CPNE5: variants seen among roughly 807,000 people sequenced by gnomAD.
CPNE5 encodes the protein copine-5.
In CPNE5, 42 loss-of-function variants were observed where a neutral mutation model predicts 81.1. The observed-to-expected ratio is 0.52, with a 90% CI of 0.40 to 0.67. The LOEUF (loss-of-function observed/expected upper bound fraction) is 0.67. Among genes scored for constraint, CPNE5 ranks in the 30% least tolerant of loss-of-function variants. The pLI is 0.00. For missense variants in CPNE5, 612 were observed against 815.5 expected, an observed-to-expected ratio of 0.75 and a Z score of 3.04; for synonymous variants, 313 against 321.5, an observed-to-expected ratio of 0.97 and a Z score of 0.28.
At chr6:36,800,608 C>G (rs1386850831) in intron 3 of CPNE5, among the ~76,000 whole-genome samples, 1 of 152,214 alleles carries the variant, frequency 6.6e-6, no homozygotes, top group East Asian at 1.9e-4. Flanking sequence ...AGATCCCCAC[C>G]TTTTGGTATT....
In CPNE5 at chr6:36,745,411, G is replaced by A; in HGVS notation, c.1305C>T (p.Ala435=). 6.2e-7 allele frequency: 1 copy of A among 1,607,644 alleles called. No individual in the cohort carries two copies. Among genetic ancestry groups the A allele is most frequent in the Non-Finnish European group, 8.5e-7 (1 of 1,177,794 alleles). ...TVQLYGPTNF[A]PVVTHVARNA... is the part of the protein sequence containing the mutation. ...ACCTGGCCACGTGGGTGACCACGGG[G>A]GCAAAGTTGGTGGGGCCGTACAGCT... Residue 435 remains alanine, a synonymous_variant, in exon 17 of 21, where the codon GCC becomes GCT. Transcript: ENST00000244751.
chr6:36,819,688 G>C (rs533889146), intron 3 of CPNE5, among the ~76,000 whole-genome samples: 111 of 152,296 alleles, frequency 7.3e-4, no homozygotes, highest in Non-Finnish European at 1.3e-3. Flanking sequence ...TTTGTGCACT[G>C]TCCCCCTCCC....
At chr6:36,797,201 CG>C (rs1206535468) in intron 6 of CPNE5, among the ~76,000 whole-genome samples, 12 of 152,212 alleles carry the variant, frequency 7.9e-5, no homozygotes, top group Admixed American at 7.9e-4. Flanking sequence ...CCACCGTGCC[CG>C]GTTCACACTG....
intron 17 of CPNE5, 92 bp downstream of exon 17, chr6:36,745,296 G>A: frequency 1.3e-6 from 2 of 1,495,276 alleles, no homozygotes; most frequent in Non-Finnish European, 1.8e-6. Flanking sequence ...CAAGTGCGTG[G>A]GAAGAGAAAC....
chr6:36,810,366 T>C lies in CPNE5; in HGVS notation c.184-10296A>G, dbSNP rs371955001. Among the ~76,000 whole-genome samples, 7 of 152,350 alleles carry C rather than the reference T, an allele frequency of 4.6e-5. No homozygotes were observed. In the East Asian group the frequency reaches 7.7e-4, roughly 17 times the overall value. On this transcript the variant is annotated intron_variant, in intron 3 of 20. Coordinates refer to ENST00000244751, the MANE Select transcript of CPNE5 (RefSeq NM_020939.2). ...ATCCCTCAATACTTTTCATATATTA[T>C]TGATGGCTCCTTAATTGGGGATTCT... is the stretch of plus-strand genomic sequence containing the variant.
Position 36,744,376 on chromosome 6 carries a change from G to T in CPNE5, c.1432-51C>A, listed in dbSNP as rs912379646. The T allele has an allele frequency of 7.6e-6, 11 of 1,444,764 alleles. No individual in the cohort carries two copies. In the African/African-American group the frequency reaches 1.4e-4, roughly 18 times the overall value. 89.5% of individuals were successfully genotyped at this position (1,444,764 alleles called of 1,614,324 possible). On this transcript the variant is annotated intron_variant, in intron 18 of 20. Coordinates refer to ENST00000244751, the MANE Select transcript of CPNE5 (RefSeq NM_020939.2). ...AAAGGTTGGACCCAATTGGGACCCA[G>T]TTAAAAGGAAGGAGAAATCAGGGGT... is the stretch of plus-strand genomic sequence containing the variant.
intron 3 of CPNE5, among the ~76,000 whole-genome samples, chr6:36,821,645 T>C (rs1277571861): frequency 6.6e-6 from 1 of 151,656 alleles, no homozygotes; most frequent in East Asian, 1.9e-4. Flanking sequence ...GAAGCCAGGG[T>C]GGGTTTTGGA....
At chr6:36,828,950 C>T (rs1270521759) in intron 1 of CPNE5, among the ~76,000 whole-genome samples, 4 of 152,210 alleles carry the variant, frequency 2.6e-5, no homozygotes, top group Non-Finnish European at 5.9e-5. Flanking sequence ...CAGTCCCCCC[C>T]TCCCAGGAGT....
chr6:36,836,914 A>C (rs1773559854), intron 1 of CPNE5, among the ~76,000 whole-genome samples: 2 of 149,504 alleles, frequency 1.3e-5, no homozygotes, highest in South Asian at 2.2e-4. Context: ...ACTTCCCCCC[A>C]CCTCTGGCTT....
At chr6:36,790,520 C>A (rs1228093563) in intron 8 of CPNE5, among the ~76,000 whole-genome samples, 2 of 152,134 alleles carry the variant, frequency 1.3e-5, no homozygotes, top group African/African-American at 4.8e-5. Context: ...AAGAGATTTG[C>A]AAAAATGTAA....
chr6:36,763,702 A>G (rs1043133957), intron 11 of CPNE5, among the ~76,000 whole-genome samples: 48 of 152,216 alleles, frequency 3.2e-4, no homozygotes, highest in Non-Finnish European at 6.5e-4. Flanking sequence ...GACATTTTCA[A>G]TGAAGCATTT....
At chr6:36,792,289 C>G in intron 7 of CPNE5, 193 bp from the exon 8 acceptor site, 1 of 1,471,766 alleles carries the variant, frequency 6.8e-7, no homozygotes, top group Non-Finnish European at 9.2e-7. Context: ...TTCCTGGGAC[C>G]GGGTCCCCGA....
In CPNE5 at chr6:36,745,089, C is replaced by CCCCATCAG; in HGVS notation, c.1382_1389dup (p.Val464LeufsTer77). The stretch of plus-strand genomic sequence containing the variant: ...TTGGTCTGCGCCATGTCCGAGATGA[C>CCCCATCAG]CCCATCAGTAATGATGAGCAGCACC... On this transcript the variant is annotated frameshift_variant, in exon 18 of 21. Transcript: ENST00000244751. LOFTEE classifies it high-confidence loss of function. The CCCCATCAG allele has an allele frequency of 6.2e-7, 1 of 1,614,066 alleles. No homozygotes were observed. The highest frequency in any genetic ancestry group is 8.5e-7 in the Non-Finnish European group (1 of 1,179,908).
chr6:36,746,397 AGTGGGAACTC>A lies in CPNE5; in HGVS notation c.1189_1198del (p.Glu397Ter). On this transcript the variant is annotated frameshift_variant and splice_region_variant, in exon 16 of 21. Transcript: ENST00000244751. LOFTEE classifies it high-confidence loss of function. The surrounding 1 kb of genome is among the most constrained non-coding windows in gnomAD (Gnocchi z 4.5). ...TCTCCCACCAGCGGGACCACCTACCAGTGGGAACTCGTGGGACACTCTGCCATCCGGGGGC... is the reference window on the plus strand; with the variant it reads ...TCTCCCACCAGCGGGACCACCTACCAGTGGGACACTCTGCCATCCGGGGGC... The A allele has an allele frequency of 6.3e-7, 1 of 1,582,774 alleles. No individual in the cohort carries two copies. The highest frequency in any genetic ancestry group is 8.6e-7 in the Non-Finnish European group (1 of 1,165,556).
intron 2 of CPNE5, among the ~76,000 whole-genome samples, chr6:36,822,614 TGA>T (rs1047222016): frequency 1.3e-5 from 2 of 152,104 alleles, no homozygotes; most frequent in African/African-American, 4.8e-5. Context: ...AGCAGTTTCA[TGA>T]GGCCTCTGAT....
At chr6:36,765,308 C>A in intron 11 of CPNE5, 27 bp downstream of exon 11, 1 of 1,613,334 alleles carries the variant, frequency 6.2e-7, no homozygotes, top group Non-Finnish European at 8.5e-7. Flanking sequence ...CACTCACCTT[C>A]TCGCCCCTGC....
rs376272916 is a variant in CPNE5 at position 36,784,459 on chromosome 6, G to A, written c.529-5502C>T. 1.6e-3 allele frequency among the ~76,000 whole-genome samples: 237 copies of A among 152,332 alleles called. 1 individual carries two copies. Among genetic ancestry groups the A allele is most frequent in the South Asian group, 8.5e-3 (41 of 4,830 alleles). The stretch of plus-strand genomic sequence containing the variant: ...ACTCTGCCTTTCGTCAACAGTCATA[G>A]GAACAAGTGGGAGCTTGTGAATGGT... On this transcript the variant is annotated intron_variant, in intron 8 of 20. Transcript: ENST00000244751.
rs571886289 is a variant in CPNE5, at chr6:36,745,162, A to T, written c.1329-12T>A. 5 of 1,606,912 alleles carry T rather than the reference A, an allele frequency of 3.1e-6. No homozygotes were observed. The highest frequency in any genetic ancestry group is 4.3e-6 in the Non-Finnish European group (5 of 1,174,130). Reference sequence around the variant, plus strand: ...CGGCCGCTGCATTCCTGGGTGGGGCAGGTGTGGGCTCAGGTCTGTCTGCGG... The same window carrying T: ...CGGCCGCTGCATTCCTGGGTGGGGCTGGTGTGGGCTCAGGTCTGTCTGCGG... On this transcript the variant is annotated splice_polypyrimidine_tract_variant and intron_variant, in intron 17 of 20. Transcript: ENST00000244751.
At chr6:36,826,710 A>G (rs1443995301) in intron 1 of CPNE5, among the ~76,000 whole-genome samples, 1 of 152,228 alleles carries the variant, frequency 6.6e-6, no homozygotes. Flanking sequence ...ACGACCAAAA[A>G]GAATGGCCAG....
Sources: allele counts gnomAD v4.1 joint callset (sites outside exome capture counted in the v4.1 genomes callset), GRCh38; gene constraint gnomAD v4.1.1; non-coding constraint Gnocchi (gnomAD v3.1); transcripts MANE v1.5; gene names NCBI Gene and HGNC (gene_info 2026-07-23, HGNC 2026-07-21).